Variants in OCA2 observed in about 807,000 individuals in gnomAD.
OCA2 encodes OCA2 melanosomal transmembrane protein.
In OCA2, 77 loss-of-function variants were observed where a neutral mutation model predicts 100.2. That is an observed-to-expected ratio of 0.77 (90% CI 0.64 to 0.93). OCA2 has a LOEUF of 0.93. OCA2 is among the 40% of genes least tolerant of loss of function. The pLI, the probability that OCA2 is intolerant of heterozygous loss-of-function variation, is 0.00. For missense variants in OCA2, 1,062 were observed against 1,089.1 expected (o/e 0.98, Z 0.35); for synonymous variants, 432 against 439.2 (o/e 0.98, Z 0.21).
intron 23 of OCA2, among the ~76,000 whole-genome samples, chr15:27,814,913 T>TAGAC (rs1566985675): frequency 1.2e-4 from 18 of 149,182 alleles, no homozygotes; most frequent in Non-Finnish European, 2.4e-4. Flanking sequence ...GATAGATAGA[T>TAGAC]AGATAGATAG....
intron 23 of OCA2, among the ~76,000 whole-genome samples, chr15:27,816,565 CA>C (rs1049401123): frequency 3.3e-5 from 5 of 152,120 alleles, no homozygotes; most frequent in Non-Finnish European, 5.9e-5. Context: ...CACTGGGAAA[CA>C]ATAAAGCTGC....
At chr15:27,777,162 G>C (rs1338296097) in intron 23 of OCA2, among the ~76,000 whole-genome samples, 4 of 152,172 alleles carry the variant, frequency 2.6e-5, no homozygotes, top group African/African-American at 4.8e-5. Context: ...GAGCAGGGTG[G>C]CTCTAGCAAC....
chr15:27,878,330 T>A (rs2151530194), intron 19 of OCA2, among the ~76,000 whole-genome samples: 1 of 152,264 alleles, frequency 6.6e-6, no homozygotes, highest in South Asian at 2.1e-4. Context: ...AAGATCTAAT[T>A]TCTCTGTAGT....
chr15:27,901,278 T>C (rs1269269742), intron 19 of OCA2, among the ~76,000 whole-genome samples: 1 of 152,216 alleles, frequency 6.6e-6, no homozygotes, highest in Non-Finnish European at 1.5e-5. Context: ...TGCCCTTTAG[T>C]CCTGCCCCTG....
At chr15:27,769,513 T>C (rs896082657) in intron 23 of OCA2, among the ~76,000 whole-genome samples, 1 of 152,104 alleles carries the variant, frequency 6.6e-6, no homozygotes, top group African/African-American at 2.4e-5. Flanking sequence ...TTATGTTTCC[T>C]TTCCAAAAGA....
intron 2 of OCA2, among the ~76,000 whole-genome samples, chr15:28,061,170 C>T (rs577350961): frequency 6.6e-6 from 1 of 152,226 alleles, no homozygotes; most frequent in African/African-American, 2.4e-5. Flanking sequence ...CTCTGGATGA[C>T]CGTGAGGCTC....
Position 27,957,734 on chromosome 15 carries a change from T to C in OCA2, c.1638A>G (p.Glu546=), listed in dbSNP as rs752986172. 1.2e-5 allele frequency: 20 copies of C among 1,612,992 alleles called. No homozygotes were observed. Among genetic ancestry groups the C allele is most frequent in the African/African-American group, 9.3e-5 (7 of 74,896 alleles). ...GCCAGACGTGAATCTCGTGCTTCAG[T>C]TCTGCAGAGAAAGGAAGGCGAAGCT... ...LYNKEPSEIV[E]LKHEIHVWRL... The change falls in exon 16 of 24, where the codon GAA becomes GAG. Residue 546 remains glutamate (E), a splice_region_variant and synonymous_variant. Transcript: ENST00000354638. This position sits in a 1 kb window ranked among gnomAD's most constrained non-coding sequence, Gnocchi z 4.3.
intron 19 of OCA2, among the ~76,000 whole-genome samples, chr15:27,903,100 C>T (rs2038022749): frequency 6.6e-6 from 1 of 152,246 alleles, no homozygotes; most frequent in African/African-American, 2.4e-5. Context: ...CCGAGATCTG[C>T]GGGGGTCCCA....
the OCA2 span, among the ~76,000 whole-genome samples, chr15:27,740,091 T>A: frequency 6.6e-6 from 1 of 152,346 alleles, no homozygotes; most frequent in Non-Finnish European, 1.5e-5. Flanking sequence ...CTTGAGAAAC[T>A]GTTCTGTTGA....
chr15:28,075,323 T>C (rs1202712360), intron 2 of OCA2, among the ~76,000 whole-genome samples: 3 of 152,050 alleles, frequency 2.0e-5, no homozygotes, highest in African/African-American at 4.8e-5. Context: ...AACCCCATAA[T>C]AGGAAAACAA....
intron 23 of OCA2, among the ~76,000 whole-genome samples, chr15:27,798,268 C>T (rs1035284845): frequency 6.6e-6 from 1 of 152,152 alleles, no homozygotes; most frequent in African/African-American, 2.4e-5. Context: ...CTGACCGGAG[C>T]TCTTGTGAGC....
At chr15:27,812,329 A>T (rs913499895) in intron 23 of OCA2, among the ~76,000 whole-genome samples, 13 of 152,122 alleles carry the variant, frequency 8.5e-5, no homozygotes, top group African/African-American at 1.9e-4. Context: ...GAGAGAAAAT[A>T]TTTTCTCTGG....
At chr15:27,788,572 G>A (rs549964394) in intron 23 of OCA2, among the ~76,000 whole-genome samples, 1 of 151,776 alleles carries the variant, frequency 6.6e-6, no homozygotes, top group African/African-American at 2.4e-5. Flanking sequence ...TTATTTTCAG[G>A]CTATTCGTAT....
At chr15:27,958,560 G>A (rs1002342140) in intron 15 of OCA2, among the ~76,000 whole-genome samples, 2 of 152,192 alleles carry the variant, frequency 1.3e-5, no homozygotes, top group African/African-American at 4.8e-5. Flanking sequence ...ATGAGATGCT[G>A]AAATCTATAG....
intron 9 of OCA2, among the ~76,000 whole-genome samples, chr15:28,002,873 C>A (rs2041971180): frequency 6.6e-6 from 1 of 152,186 alleles, no homozygotes; most frequent in South Asian, 2.1e-4. Context: ...GGTATACACT[C>A]CAAATTCAAA....
intron 23 of OCA2, among the ~76,000 whole-genome samples, chr15:27,767,742 A>C (rs1430873167): frequency 6.7e-6 from 1 of 150,354 alleles, no homozygotes; most frequent in East Asian, 2.0e-4. Flanking sequence ...TGTAAAATGG[A>C]CTAATCAGCA....
intron 23 of OCA2, among the ~76,000 whole-genome samples, chr15:27,840,142 T>C (rs530210577): frequency 6.6e-6 from 1 of 151,810 alleles, no homozygotes; most frequent in East Asian, 1.9e-4. Context: ...TAAAAATAAA[T>C]GAAATAAATT....
chr15:28,011,766 A>C (rs1028747179), intron 9 of OCA2, among the ~76,000 whole-genome samples: 3 of 151,930 alleles, frequency 2.0e-5, no homozygotes, highest in African/African-American at 7.3e-5. Flanking sequence ...AAATACAAAA[A>C]AATTAGTCAG....
intron 2 of OCA2, among the ~76,000 whole-genome samples, chr15:28,058,205 G>A (rs1412994195): frequency 3.3e-5 from 5 of 152,190 alleles, no homozygotes; most frequent in Admixed American, 3.3e-4. Context: ...GAATGCTGAA[G>A]GCAAAACTGC....
Sources: gnomAD v4.1 joint callset for allele counts (sites outside exome capture counted in the v4.1 genomes callset) on GRCh38, gnomAD v4.1.1 for gene constraint, Gnocchi (gnomAD v3.1) non-coding constraint, MANE v1.5 for transcripts, NCBI Gene and HGNC (gene_info 2026-07-23, HGNC 2026-07-21) for gene names.